LRP1B: variants seen among roughly 807,000 people sequenced by gnomAD.
LRP1B encodes the protein LDL receptor related protein 1B.
LRP1B carries 217 observed loss-of-function variants against 556.6 expected under a neutral mutation model. The ratio of observed to expected loss-of-function variants is 0.39; its 90% confidence interval spans 0.35 to 0.44. The LOEUF (loss-of-function observed/expected upper bound fraction) is 0.44. Among genes scored for constraint, LRP1B ranks in the 20% least tolerant of loss-of-function variants. The pLI is 1.00. For synonymous variants in LRP1B, 2,047 were observed against 1,865.8 expected, an observed-to-expected ratio of 1.10 and a Z score of -2.50; for missense variants, 5,053 against 5,620.8, an observed-to-expected ratio of 0.90 and a Z score of 3.23.
intron 41 of LRP1B, among the ~76,000 whole-genome samples, chr2:140,647,709 C>CTT (rs1684533626): frequency 6.6e-6 from 1 of 152,134 alleles, no homozygotes; most frequent in Admixed American, 6.5e-5. Context: ...CACAGGCCAT[C>CTT]AGAGAAATGC....
intron 41 of LRP1B, among the ~76,000 whole-genome samples, chr2:140,673,072 C>T (rs1029185418): frequency 1.3e-5 from 2 of 152,158 alleles, no homozygotes; most frequent in Admixed American, 6.5e-5. Flanking sequence ...GAGAATTTCC[C>T]AAATAATCAA....
chr2:142,046,945 T>A (rs571292089), intron 1 of LRP1B, among the ~76,000 whole-genome samples: 1 of 152,126 alleles, frequency 6.6e-6, no homozygotes, highest in Admixed American at 6.6e-5. Context: ...GTGGAAAAAG[T>A]AAAGCTTTTG....
chr2:141,750,250 T>G (rs1694061734), intron 2 of LRP1B, among the ~76,000 whole-genome samples: 1 of 152,146 alleles, frequency 6.6e-6, no homozygotes, highest in Non-Finnish European at 1.5e-5. Flanking sequence ...ACTTTGATGT[T>G]CACACTCAGG....
intron 1 of LRP1B, among the ~76,000 whole-genome samples, chr2:141,912,910 T>C (rs1449318686): frequency 2.0e-5 from 3 of 152,214 alleles, no homozygotes; most frequent in Non-Finnish European, 4.4e-5. Flanking sequence ...AGCTGATACA[T>C]GTTTAACTCT....
At chr2:141,927,535 C>T (rs943759879) in intron 1 of LRP1B, among the ~76,000 whole-genome samples, 4 of 151,986 alleles carry the variant, frequency 2.6e-5, no homozygotes, top group Non-Finnish European at 5.9e-5. Flanking sequence ...TGGTAAGTAC[C>T]TGTAGGCATA....
chr2:140,415,517 C>T (rs934529722), intron 66 of LRP1B, among the ~76,000 whole-genome samples: 2 of 152,238 alleles, frequency 1.3e-5, no homozygotes, highest in Admixed American at 6.5e-5. Flanking sequence ...TGTAAAATGC[C>T]TCTCTTTGTA....
At chr2:140,974,090 G>T (rs1428456476) in intron 18 of LRP1B, among the ~76,000 whole-genome samples, 1 of 152,168 alleles carries the variant, frequency 6.6e-6, no homozygotes, top group Non-Finnish European at 1.5e-5. Flanking sequence ...TCAAGAGCCA[G>T]ATTGTGGACA....
chr2:140,781,161 G>A (rs932982360), intron 32 of LRP1B, among the ~76,000 whole-genome samples: 5 of 152,090 alleles, frequency 3.3e-5, no homozygotes, highest in South Asian at 2.1e-4. Context: ...AAAGAACCAC[G>A]GCCTTGAAGA....
chr2:141,033,045 C>T (rs991772237), intron 11 of LRP1B, among the ~76,000 whole-genome samples: 2 of 151,790 alleles, frequency 1.3e-5, no homozygotes, highest in African/African-American at 4.8e-5. Flanking sequence ...AGGAAAACTT[C>T]CCAGGGAGGT....
intron 2 of LRP1B, among the ~76,000 whole-genome samples, chr2:141,790,645 T>C (rs2105660845): frequency 1.3e-5 from 2 of 150,904 alleles, no homozygotes; most frequent in Middle Eastern, 6.8e-3. Context: ...ACATTCTCCC[T>C]CATTAACTGC....
At chr2:141,646,817 C>A (rs1689583433) in intron 2 of LRP1B, among the ~76,000 whole-genome samples, 1 of 152,126 alleles carries the variant, frequency 6.6e-6, no homozygotes, top group African/African-American at 2.4e-5. Context: ...AAAAGAAGAA[C>A]CATCTCTATA....
rs575155033 is a variant in LRP1B at position 141,106,978 on chromosome 2, T to C, written c.1014-44705A>G. On this transcript the variant is annotated intron_variant, in intron 7 of 90. Coordinates refer to ENST00000389484, the MANE Select transcript of LRP1B (RefSeq NM_018557.3). Reference sequence around the variant, plus strand: ...GAATTGTGATATATGCAAGATAAACTAATTGTTTTTTTTTTCTTTGCATTG... The same window carrying C: ...GAATTGTGATATATGCAAGATAAACCAATTGTTTTTTTTTTCTTTGCATTG... Among the ~76,000 whole-genome samples the C allele has an allele frequency of 1.8e-4, 28 of 152,186 alleles. 1 individual carries two copies. The highest frequency in any genetic ancestry group is 1.0e-3 in the South Asian group (5 of 4,804).
At chr2:141,281,328 C>T (rs1268881922) in intron 3 of LRP1B, among the ~76,000 whole-genome samples, 2 of 151,872 alleles carry the variant, frequency 1.3e-5, no homozygotes, top group Non-Finnish European at 2.9e-5. Flanking sequence ...TTGTAGGTAT[C>T]CCACCTGGGC....
chr2:140,340,512 G>C (rs1292015042), intron 77 of LRP1B, among the ~76,000 whole-genome samples: 1 of 151,282 alleles, frequency 6.6e-6, no homozygotes, highest in Non-Finnish European at 1.5e-5. Flanking sequence ...CTTATTTCCA[G>C]GTCATTCACA....
intron 2 of LRP1B, among the ~76,000 whole-genome samples, chr2:141,514,409 G>T (rs549897190): frequency 6.4e-4 from 98 of 152,226 alleles, no homozygotes; most frequent in South Asian, 3.5e-3. Context: ...GCCCTGCAAG[G>T]TGTGCTCTGC....
chr2:140,523,531 GC>G (rs1192440416), intron 49 of LRP1B, among the ~76,000 whole-genome samples: 2 of 141,948 alleles, frequency 1.4e-5, no homozygotes, highest in African/African-American at 5.2e-5. Flanking sequence ...GGAAATCTTA[GC>G]CCGAGCAATC....
chr2:141,839,052 T>C (rs1697380341), intron 1 of LRP1B, among the ~76,000 whole-genome samples: 1 of 152,192 alleles, frequency 6.6e-6, no homozygotes. Flanking sequence ...TATGCTTACA[T>C]TGATAGGTAC....
At chr2:142,093,840 G>T (rs1210738569) in intron 1 of LRP1B, among the ~76,000 whole-genome samples, 1 of 152,088 alleles carries the variant, frequency 6.6e-6, no homozygotes, top group African/African-American at 2.4e-5. Flanking sequence ...CTTTCAAGAA[G>T]ATATGGTGCA....
At chr2:140,566,861 G>A (rs907128804) in intron 43 of LRP1B, among the ~76,000 whole-genome samples, 4 of 152,134 alleles carry the variant, frequency 2.6e-5, no homozygotes, top group African/African-American at 4.8e-5. Context: ...AAATGGGGGT[G>A]TGGTCACCCA....
Sources: allele counts gnomAD v4.1 joint callset (sites outside exome capture counted in the v4.1 genomes callset), GRCh38; gene constraint gnomAD v4.1.1; transcripts MANE v1.5; gene names NCBI Gene and HGNC (gene_info 2026-07-23, HGNC 2026-07-21).